The following TRPM3 variants were observed in gnomAD, a reference collection of about 807,000 sequenced individuals.
The protein encoded by TRPM3 is long transient receptor potential channel 3.
Under a neutral mutation model 181.2 loss-of-function variants are expected in TRPM3, and 77 were observed. The ratio of observed to expected loss-of-function variants is 0.42; its 90% confidence interval spans 0.35 to 0.51. The LOEUF (loss-of-function observed/expected upper bound fraction) is 0.51. Ranked by LOEUF, TRPM3 falls within the 20% of genes least tolerant of loss-of-function variation. The pLI is 0.01. For synonymous variants in TRPM3, 745 were observed against 796.4 expected, an observed-to-expected ratio of 0.94 and a Z score of 1.09; for missense variants, 1,759 against 2,196.7, an observed-to-expected ratio of 0.80 and a Z score of 3.98.
intron 22 of TRPM3, among the ~76,000 whole-genome samples, chr9:70,573,783 C>G (rs1487497950): frequency 2.6e-5 from 4 of 152,110 alleles, no homozygotes; most frequent in African/African-American, 9.7e-5. Flanking sequence ...GGTCTAATCA[C>G]TTCATCTCAC....
chr9:71,307,171 A>C (rs2087427677), intron 1 of TRPM3, among the ~76,000 whole-genome samples: 1 of 152,136 alleles, frequency 6.6e-6, no homozygotes, highest in Non-Finnish European at 1.5e-5. Context: ...AGTACTGATA[A>C]TCTCCAGTTA....
chr9:70,912,381 G>A (rs2096547285), intron 1 of TRPM3, among the ~76,000 whole-genome samples: 1 of 152,036 alleles, frequency 6.6e-6, no homozygotes, highest in Non-Finnish European at 1.5e-5. Flanking sequence ...ATTATGTTTG[G>A]GAAAAATAAT....
At chr9:71,259,939 T>G (rs955327825) in intron 1 of TRPM3, among the ~76,000 whole-genome samples, 2 of 152,126 alleles carry the variant, frequency 1.3e-5, no homozygotes, top group Admixed American at 1.3e-4. Context: ...GGTGTTTTAG[T>G]CATGAAGTCT....
At chr9:71,153,036 C>A (rs1243104599) in intron 1 of TRPM3, among the ~76,000 whole-genome samples, 1 of 152,064 alleles carries the variant, frequency 6.6e-6, no homozygotes, top group African/African-American at 2.4e-5. Context: ...TACAGCATTT[C>A]ATATGCTATT....
intron 9 of TRPM3, among the ~76,000 whole-genome samples, chr9:70,657,340 GC>G (rs1160451819): frequency 7.0e-6 from 1 of 143,674 alleles, no homozygotes; most frequent in Non-Finnish European, 1.5e-5. Context: ...CACTATTTTT[GC>G]TTTTTTCTCC....
chr9:70,784,067 C>T, intron 7 of TRPM3, 38 bp downstream of exon 7: 1 of 1,600,086 alleles, frequency 6.2e-7, no homozygotes, highest in Admixed American at 1.7e-5. Context: ...TCCAAACAGG[C>T]TTTAGGGTTC....
Position 70,535,928 on chromosome 9 carries a change from C to T in TRPM3, c.*25G>A. On this transcript the variant is annotated 3_prime_UTR_variant, in exon 26 of 26. Coordinates refer to ENST00000677713, the MANE Select transcript of TRPM3 (RefSeq NM_001366145.2). ...GAATTTTAGGGCTGGATTCTTGAGC[C>T]TTCTGTGGCGGATATTAAGAAGGTT... 5.2e-6 allele frequency: 8 copies of T among 1,549,106 alleles called. No individual in the cohort carries two copies. Among genetic ancestry groups the T allele is most frequent in the Non-Finnish European group, 6.1e-6 (7 of 1,150,412 alleles).
chr9:70,655,010 T>C (rs1221023502), intron 9 of TRPM3, among the ~76,000 whole-genome samples: 5 of 150,594 alleles, frequency 3.3e-5, no homozygotes, highest in Non-Finnish European at 7.4e-5. Flanking sequence ...CCAGAGTTTA[T>C]GTAAAATGGA....
intron 1 of TRPM3, among the ~76,000 whole-genome samples, chr9:71,107,456 T>C (rs2054296147): frequency 6.6e-6 from 1 of 152,196 alleles, no homozygotes; most frequent in South Asian, 2.1e-4. Flanking sequence ...TGAAAACATG[T>C]ATCAAGTTAT....
Position 71,051,709 on chromosome 9 carries a change from G to A in TRPM3, c.177+69469C>T, listed in dbSNP as rs574643645. 1.1e-4 allele frequency among the ~76,000 whole-genome samples: 16 copies of A among 152,230 alleles called. No individual in the cohort carries two copies. The East Asian group carries it at 1.5e-3, about 15-fold the overall frequency. On this transcript the variant is annotated intron_variant, in intron 1 of 25. Coordinates refer to ENST00000677713, the MANE Select transcript of TRPM3 (RefSeq NM_001366145.2). ...ATATCACCATAGAGTACTGCAGAACGTAGTTTTGGTGTTCATTTCAGTTTC... is the reference window on the plus strand; with the variant it reads ...ATATCACCATAGAGTACTGCAGAACATAGTTTTGGTGTTCATTTCAGTTTC...
Position 71,186,135 on chromosome 9 carries a change from A to G in TRPM3, c.183+260518T>C, listed in dbSNP as rs1235860328. Among the ~76,000 whole-genome samples the G allele has an allele frequency of 3.9e-5, 6 of 151,990 alleles. 1 individual carries two copies. The South Asian group carries it at 1.2e-3, about 32-fold the overall frequency. On this transcript the variant is annotated intron_variant, in intron 1 of 24. Coordinates refer to the TRPM3 transcript ENST00000357533. ...CCTTGTGCCTCTCAACCTTCACAGG[A>G]CCATCTTTTTATAAGGATGCCAATC...
At chr9:71,044,367 C>T (rs917527823) in intron 1 of TRPM3, among the ~76,000 whole-genome samples, 9 of 152,172 alleles carry the variant, frequency 5.9e-5, no homozygotes, top group African/African-American at 2.2e-4. Flanking sequence ...GACTCAGGCT[C>T]ATCTTTGGTT....
chr9:70,673,819 G>A (rs2063448509), intron 9 of TRPM3, among the ~76,000 whole-genome samples: 1 of 151,806 alleles, frequency 6.6e-6, no homozygotes, highest in Non-Finnish European at 1.5e-5. Flanking sequence ...CATGGTGGTG[G>A]GCACCTGTAA....
intron 7 of TRPM3, among the ~76,000 whole-genome samples, chr9:70,763,427 C>A (rs112673730): frequency 1.3e-5 from 2 of 152,214 alleles, no homozygotes; most frequent in African/African-American, 4.8e-5. Flanking sequence ...GGGAGGACCA[C>A]TTCAGCCAGG....
In TRPM3 at chr9:70,786,759, C is replaced by T. The variant is rs11142591; in HGVS notation, c.974-2480G>A. Among the ~76,000 whole-genome samples, 954 of 152,206 alleles carry T rather than the reference C, an allele frequency of 6.3e-3. 15 individuals are homozygous for T. The highest frequency in any genetic ancestry group is 0.022 in the African/African-American group (906 of 41,544). ...TTTGCTTTAGCATATGCTCCTATGT[C>T]ATTGACTTTGTATTAAGGAACAATA... On this transcript the variant is annotated intron_variant, in intron 6 of 25. Transcript: ENST00000677713.
intron 1 of TRPM3, among the ~76,000 whole-genome samples, chr9:71,398,013 G>A (rs879532719): frequency 2.0e-5 from 3 of 152,164 alleles, no homozygotes; most frequent in Admixed American, 1.3e-4. Flanking sequence ...AGTTTAGACC[G>A]TGCCATTTGC....
intron 1 of TRPM3, among the ~76,000 whole-genome samples, chr9:71,131,836 G>A (rs963425127): frequency 6.6e-6 from 1 of 152,152 alleles, no homozygotes; most frequent in African/African-American, 2.4e-5. Context: ...AAGAGGAAAA[G>A]GAGTAAGTAC....
chr9:70,536,967 G>A lies in TRPM3; in HGVS notation c.4146C>T (p.Ser1382=). Residue 1382 remains serine, a synonymous_variant, in exon 26 of 26, where the codon TCC becomes TCT. Transcript: ENST00000677713. ...RSLSLHRATS[S]HSVAKEPKAP... ...CTTTGGGTTCTTTTGCTACAGAGTG[G>A]GAACTAGTAGCCCGGTGTAGGCTCA... 6.2e-7 allele frequency: 1 copy of A among 1,613,824 alleles called. No individual in the cohort carries two copies. Among genetic ancestry groups the A allele is most frequent in the Non-Finnish European group, 8.5e-7 (1 of 1,179,742 alleles).
intron 9 of TRPM3, among the ~76,000 whole-genome samples, chr9:70,678,803 G>C (rs2064695849): frequency 6.6e-6 from 1 of 152,204 alleles, no homozygotes; most frequent in Non-Finnish European, 1.5e-5. Context: ...AAAAAAAGTA[G>C]GAAGAATAAT....
Sources: gnomAD v4.1 joint callset for allele counts (sites outside exome capture counted in the v4.1 genomes callset) on GRCh38, gnomAD v4.1.1 for gene constraint, MANE v1.5 for transcripts, NCBI Gene and HGNC (gene_info 2026-07-23, HGNC 2026-07-21) for gene names.